COL8A1: variants seen among roughly 807,000 people sequenced by gnomAD.
COL8A1 encodes collagen alpha-1(VIII) chain.
Under a neutral mutation model 42.7 loss-of-function variants are expected in COL8A1, and 21 were observed. That is an observed-to-expected ratio of 0.49 (90% CI 0.35 to 0.71). The LOEUF is 0.71. Among genes scored for constraint, COL8A1 ranks in the 30% least tolerant of loss-of-function variants. COL8A1 has a pLI of 0.01. For synonymous variants in COL8A1, 367 were observed against 369.1 expected (o/e 0.99, Z 0.06); for missense variants, 788 against 962.4 (o/e 0.82, Z 2.40).
chr3:99,678,442 G>A (rs1216736644), intron 1 of COL8A1: 1 of 152,178 alleles, frequency 6.6e-6, no homozygotes, highest in Non-Finnish European at 1.5e-5. Flanking sequence ...GAATACGGAA[G>A]GGGAGATGAA....
intron 3 of COL8A1, among the ~76,000 whole-genome samples, chr3:99,791,692 C>T (rs1041842192): frequency 6.6e-6 from 1 of 152,168 alleles, no homozygotes; most frequent in Admixed American, 6.5e-5. Context: ...TCTCAGAAAC[C>T]TAGTACTTGC....
At position 99,790,919 on chromosome 3, in the gene COL8A1, T is replaced by C; in HGVS notation, c.237T>C (p.Tyr79=). The C allele has an allele frequency of 1.2e-6, 2 of 1,614,158 alleles. No individual in the cohort carries two copies. Among genetic ancestry groups the C allele is most frequent in the Non-Finnish European group, 1.7e-6 (2 of 1,179,994 alleles). ...AMGKEMPHLQ[Y]GKEYPHLPQY... ...GCAAGGAGATGCCCCACTTGCAGTATGGCAAAGAGTATCCACACCTACCCC... is the reference window on the plus strand; with the variant it reads ...GCAAGGAGATGCCCCACTTGCAGTACGGCAAAGAGTATCCACACCTACCCC... The change falls in exon 3 of 4, where the codon TAT becomes TAC. Residue 79 remains tyrosine (Y), a synonymous_variant. Coordinates refer to ENST00000652472, the MANE Select transcript of COL8A1 (RefSeq NM_020351.4).
chr3:99,644,210 A>G (rs953247318), intron 1 of COL8A1, among the ~76,000 whole-genome samples: 1 of 152,146 alleles, frequency 6.6e-6, no homozygotes, highest in Non-Finnish European at 1.5e-5. Flanking sequence ...TAAATACAAC[A>G]CTAATTGAAG....
intron 1 of COL8A1, among the ~76,000 whole-genome samples, chr3:99,726,138 T>A (rs1304689070): frequency 1.3e-5 from 2 of 152,190 alleles, no homozygotes; most frequent in Non-Finnish European, 2.9e-5. Context: ...CTCATTGTGG[T>A]TTTGATTTGC....
At chr3:99,696,989 T>C (rs1203515892) in intron 1 of COL8A1, among the ~76,000 whole-genome samples, 1 of 134,272 alleles carries the variant, frequency 7.4e-6, no homozygotes, top group East Asian at 2.2e-4. Flanking sequence ...TTTTTTTTTT[T>C]TTTTTTTTTT....
chr3:99,662,712 G>T (rs1377717309), intron 1 of COL8A1, among the ~76,000 whole-genome samples: 1 of 152,166 alleles, frequency 6.6e-6, no homozygotes, highest in African/African-American at 2.4e-5. Context: ...TCTGTGGAGG[G>T]CTGAGAGAAA....
At chr3:99,693,172 G>A (rs1419478705) in intron 1 of COL8A1, among the ~76,000 whole-genome samples, 2 of 152,168 alleles carry the variant, frequency 1.3e-5, no homozygotes, top group Non-Finnish European at 2.9e-5. Flanking sequence ...CTGGGCGACA[G>A]AGCGAGACTC....
chr3:99,767,843 A>G (rs1941493930), intron 2 of COL8A1, among the ~76,000 whole-genome samples: 1 of 152,242 alleles, frequency 6.6e-6, no homozygotes, highest in South Asian at 2.1e-4. Flanking sequence ...TACTAATGAT[A>G]ATAAAGTCAT....
Position 99,782,543 on chromosome 3 carries a change from C to T in COL8A1, c.-3-8137C>T, listed in dbSNP as rs182146531. On this transcript the variant is annotated intron_variant, in intron 2 of 3. Transcript: ENST00000652472. Reference sequence around the variant, plus strand: ...AATAGCTGGGATTACAGGCATGTGCCACCATGCCCGGCTAATTTTTGTATT... The same window carrying T: ...AATAGCTGGGATTACAGGCATGTGCTACCATGCCCGGCTAATTTTTGTATT... Among the ~76,000 whole-genome samples the T allele has an allele frequency of 1.2e-4, 19 of 152,204 alleles. No homozygotes were observed. In the East Asian group the frequency reaches 3.7e-3, roughly 29 times the overall value.
chr3:99,671,523 G>A (rs1366547379), intron 1 of COL8A1, among the ~76,000 whole-genome samples: 1 of 151,960 alleles, frequency 6.6e-6, no homozygotes, highest in Admixed American at 6.6e-5. Context: ...TATGTTAACT[G>A]TAGTCATTAT....
At chr3:99,714,644 T>G (rs1939943647) in intron 1 of COL8A1, among the ~76,000 whole-genome samples, 1 of 152,128 alleles carries the variant, frequency 6.6e-6, no homozygotes, top group African/African-American at 2.4e-5. Flanking sequence ...ATCATTCATT[T>G]ATCCATCCAT....
rs190351352 is a variant in COL8A1, at chr3:99,647,462, A to C, written c.-129+8798A>C. Among the ~76,000 whole-genome samples, 36 of 151,954 alleles carry C rather than the reference A, an allele frequency of 2.4e-4. 1 individual carries two copies. In the South Asian group the frequency reaches 3.1e-3, roughly 13 times the overall value. On this transcript the variant is annotated intron_variant, in intron 1 of 3. Coordinates refer to ENST00000652472, the MANE Select transcript of COL8A1 (RefSeq NM_020351.4). ...ATTACAATAATAGCAAGAATGCCAG[A>C]AATATTATTCAAGTCTCTCTCTCTC...
At chr3:99,650,529 G>A (rs1258101952) in intron 1 of COL8A1, among the ~76,000 whole-genome samples, 1 of 151,972 alleles carries the variant, frequency 6.6e-6, no homozygotes, top group Non-Finnish European at 1.5e-5. Context: ...TCACCTCCCG[G>A]GTTCAAGTTA....
At chr3:99,660,875 T>C (rs1367543537) in intron 1 of COL8A1, among the ~76,000 whole-genome samples, 1 of 152,230 alleles carries the variant, frequency 6.6e-6, no homozygotes, top group African/African-American at 2.4e-5. Context: ...TCACAGGCTT[T>C]TACTGTTTGA....
At position 99,709,794 on chromosome 3, in the gene COL8A1, T is replaced by C. The variant is rs551319912; in HGVS notation, c.-128-35103T>C. Among the ~76,000 whole-genome samples, 398 of 152,264 alleles carry C rather than the reference T, an allele frequency of 2.6e-3. 1 individual carries two copies. Among genetic ancestry groups the C allele is most frequent in the Non-Finnish European group, 4.9e-3 (335 of 68,010 alleles). On this transcript the variant is annotated intron_variant, in intron 1 of 3. Coordinates refer to ENST00000652472, the MANE Select transcript of COL8A1 (RefSeq NM_020351.4). The stretch of plus-strand genomic sequence containing the variant: ...TTAATTTCTTCCCAGAAGATGAGTG[T>C]TATGGTGTAATGTTTTTTGAAATGT...
At chr3:99,742,191 T>A (rs1223092676) in intron 1 of COL8A1, among the ~76,000 whole-genome samples, 1 of 152,258 alleles carries the variant, frequency 6.6e-6, no homozygotes, top group Non-Finnish European at 1.5e-5. Flanking sequence ...ATTTGATTCT[T>A]AATTCTTTTC....
chr3:99,785,353 G>GTCC (rs1941873991), intron 2 of COL8A1, among the ~76,000 whole-genome samples: 2 of 152,144 alleles, frequency 1.3e-5, no homozygotes, highest in Non-Finnish European at 2.9e-5. Context: ...ATATTGAGAA[G>GTCC]TCAAATTATT....
chr3:99,692,376 T>C (rs1939245654), intron 1 of COL8A1, among the ~76,000 whole-genome samples: 2 of 152,314 alleles, frequency 1.3e-5, no homozygotes, highest in East Asian at 3.9e-4. Flanking sequence ...ATTATGGCCA[T>C]ATCTAAACTA....
chr3:99,742,041 T>C (rs1160011867), intron 1 of COL8A1, among the ~76,000 whole-genome samples: 1 of 152,260 alleles, frequency 6.6e-6, no homozygotes, highest in African/African-American at 2.4e-5. Context: ...TTTCTTTCAT[T>C]GCTTCATAAT....
Sources: allele counts gnomAD v4.1 joint callset (sites outside exome capture counted in the v4.1 genomes callset), GRCh38; gene constraint gnomAD v4.1.1; transcripts MANE v1.5; gene names NCBI Gene and HGNC (gene_info 2026-07-23, HGNC 2026-07-21).